Variants in SLC35F1 observed in about 807,000 individuals in gnomAD.
The protein encoded by SLC35F1 is chromosome 6 open reading frame 169.
Under a neutral mutation model 48.7 loss-of-function variants are expected in SLC35F1, and 14 were observed. The observed-to-expected ratio is 0.29, with a 90% confidence interval of 0.19 to 0.45. SLC35F1 has a LOEUF of 0.45. SLC35F1 is among the 20% of genes least tolerant of loss of function. The probability of loss-of-function intolerance (pLI) is 1.00; values close to 1 mark genes in which losing one functional copy is unlikely to be tolerated. For missense variants in SLC35F1, 404 were observed against 500.0 expected (o/e 0.81, Z 1.83); for synonymous variants, 190 against 202.2 (o/e 0.94, Z 0.51).
At chr6:118,258,455 C>A (rs1264416199) in intron 3 of SLC35F1, among the ~76,000 whole-genome samples, 2 of 152,076 alleles carry the variant, frequency 1.3e-5, no homozygotes, top group African/African-American at 2.4e-5. Context: ...CCAAAGCCTT[C>A]ATTTAACATT....
At chr6:118,233,464 A>C (rs1775322360) in intron 2 of SLC35F1, among the ~76,000 whole-genome samples, 1 of 152,226 alleles carries the variant, frequency 6.6e-6, no homozygotes. Context: ...CAGCCTTCTC[A>C]TGTGCAAAAC....
chr6:118,157,103 A>G (rs1774155787), intron 2 of SLC35F1, among the ~76,000 whole-genome samples: 1 of 152,134 alleles, frequency 6.6e-6, no homozygotes, highest in Non-Finnish European at 1.5e-5. Context: ...TGATTATCCA[A>G]AATTTTATAA....
intron 4 of SLC35F1, 33 bp from the exon 5 acceptor site, chr6:118,275,426 C>CT (rs1215948550): frequency 1.9e-6 from 3 of 1,584,554 alleles, no homozygotes; most frequent in Non-Finnish European, 1.7e-6. Flanking sequence ...TTTAATGATG[C>CT]TCCCTCTGTT....
intron 1 of SLC35F1, among the ~76,000 whole-genome samples, chr6:117,970,767 G>T (rs1048072827): frequency 6.6e-6 from 1 of 152,156 alleles, no homozygotes; most frequent in African/African-American, 2.4e-5. Context: ...ATCAGATCTT[G>T]TGAGACTTAT....
intron 2 of SLC35F1, among the ~76,000 whole-genome samples, chr6:118,205,990 C>A (rs1039002080): frequency 2.6e-5 from 4 of 151,974 alleles, no homozygotes; most frequent in African/African-American, 9.7e-5. Flanking sequence ...GGAAGGGGGA[C>A]ATAGGGAGTT....
chr6:117,974,928 A>G (rs75706782), intron 1 of SLC35F1, among the ~76,000 whole-genome samples: 3,660 of 152,328 alleles, frequency 0.024, 66 homozygotes, highest in Non-Finnish European at 0.041. Context: ...CAAAACTTGC[A>G]TTGTATACTT....
At chr6:118,026,911 A>C (rs1473089479) in intron 1 of SLC35F1, among the ~76,000 whole-genome samples, 1 of 152,152 alleles carries the variant, frequency 6.6e-6, no homozygotes, top group African/African-American at 2.4e-5. Context: ...AATCACCATC[A>C]CAGTTAAGAC....
At chr6:117,967,462 C>G (rs1776585321) in intron 1 of SLC35F1, among the ~76,000 whole-genome samples, 1 of 152,116 alleles carries the variant, frequency 6.6e-6, no homozygotes, top group South Asian at 2.1e-4. Context: ...TAGGTTATTC[C>G]TACTGACGCT....
chr6:118,139,408 A>G (rs1371106804), intron 1 of SLC35F1, among the ~76,000 whole-genome samples: 1 of 152,180 alleles, frequency 6.6e-6, no homozygotes, highest in East Asian at 1.9e-4. Context: ...CACCGCGCCC[A>G]GCCTTTAAAA....
intron 1 of SLC35F1, among the ~76,000 whole-genome samples, chr6:118,061,178 A>G (rs2114273854): frequency 6.6e-6 from 1 of 152,344 alleles, no homozygotes; most frequent in Admixed American, 6.5e-5. Flanking sequence ...AGAATGGACC[A>G]TCCATTCCCC....
intron 1 of SLC35F1, among the ~76,000 whole-genome samples, chr6:118,099,406 A>G (rs1443974165): frequency 6.6e-6 from 1 of 152,156 alleles, no homozygotes; most frequent in African/African-American, 2.4e-5. Flanking sequence ...GAAGGTATAT[A>G]ACCAGGAGAT....
chr6:118,010,805 C>A (rs1166359490), intron 1 of SLC35F1, among the ~76,000 whole-genome samples: 1 of 152,144 alleles, frequency 6.6e-6, no homozygotes, highest in Non-Finnish European at 1.5e-5. Context: ...AATCTCTCAC[C>A]TCACTGATCT....
At chr6:118,198,014 T>C (rs1396857047) in intron 2 of SLC35F1, among the ~76,000 whole-genome samples, 1 of 152,226 alleles carries the variant, frequency 6.6e-6, no homozygotes, top group Non-Finnish European at 1.5e-5. Context: ...GCATTTTCTA[T>C]ATCATTGATA....
At chr6:117,950,841 G>T (rs1395769059) in intron 1 of SLC35F1, among the ~76,000 whole-genome samples, 1 of 152,188 alleles carries the variant, frequency 6.6e-6, no homozygotes, top group African/African-American at 2.4e-5. Context: ...TTAAGGCACA[G>T]AAGAAAGCAG....
chr6:118,149,059 C>T (rs148438256), intron 1 of SLC35F1, among the ~76,000 whole-genome samples: 37 of 152,326 alleles, frequency 2.4e-4, no homozygotes, highest in African/African-American at 8.4e-4. Flanking sequence ...TTCTGTCCAG[C>T]AGTCCTCAAG....
At chr6:118,275,859 AG>A (rs1248294024) in intron 5 of SLC35F1, among the ~76,000 whole-genome samples, 19 of 152,330 alleles carry the variant, frequency 1.2e-4, no homozygotes, top group African/African-American at 4.6e-4. Flanking sequence ...TTTGCAGGAA[AG>A]CATTAGAAGC....
chr6:117,918,305 A>G (rs1384900833), intron 1 of SLC35F1, among the ~76,000 whole-genome samples: 1 of 152,078 alleles, frequency 6.6e-6, no homozygotes, highest in Non-Finnish European at 1.5e-5. Flanking sequence ...GAGTGAGATA[A>G]AGGAAGGAGG....
intron 2 of SLC35F1, among the ~76,000 whole-genome samples, chr6:118,159,772 T>G (rs1774201355): frequency 6.6e-6 from 1 of 152,138 alleles, no homozygotes; most frequent in Admixed American, 6.5e-5. Flanking sequence ...AAAACATGTA[T>G]CATCTAACTT....
chr6:118,303,030 G>A (rs1776272799), intron 7 of SLC35F1, among the ~76,000 whole-genome samples: 1 of 148,826 alleles, frequency 6.7e-6, no homozygotes, highest in South Asian at 2.1e-4. Flanking sequence ...TTTGACAGCT[G>A]CCATTTCATA....
Sources: allele counts gnomAD v4.1 joint callset (sites outside exome capture counted in the v4.1 genomes callset), GRCh38; gene constraint gnomAD v4.1.1; transcripts MANE v1.5; gene names NCBI Gene and HGNC (gene_info 2026-07-23, HGNC 2026-07-21).